Variants in MAST4 observed in about 807,000 individuals in gnomAD.
The protein encoded by MAST4 is microtubule-associated serine/threonine-protein kinase 4.
Under a neutral mutation model 162.7 loss-of-function variants are expected in MAST4, and 89 were observed. That is an observed-to-expected ratio of 0.55 (90% CI 0.46 to 0.65). The LOEUF is 0.65. Ranked by LOEUF, MAST4 falls within the 30% of genes least tolerant of loss-of-function variation. The probability of loss-of-function intolerance (pLI) is 0.00; values close to 1 mark genes in which losing one functional copy is unlikely to be tolerated. For synonymous variants in MAST4, 1,479 were observed against 1,361.1 expected (o/e 1.09, Z -1.91); for missense variants, 3,153 against 3,374.0 (o/e 0.93, Z 1.62).
At chr5:66,917,263 A>T in intron 4 of MAST4, 1 of 439,480 alleles carries the variant, frequency 2.3e-6, no homozygotes, top group African/African-American at 2.0e-5. Flanking sequence ...CTTCATGCTT[A>T]TTTTCACTGC....
chr5:67,039,474 T>C (rs1056618793), intron 4 of MAST4, among the ~76,000 whole-genome samples: 11 of 152,058 alleles, frequency 7.2e-5, no homozygotes, highest in African/African-American at 1.4e-4. Context: ...TGAGTTTAGG[T>C]TGGGTGTCTG....
chr5:66,645,451 T>C (rs1341177714), intron 1 of MAST4, among the ~76,000 whole-genome samples: 1 of 152,200 alleles, frequency 6.6e-6, no homozygotes, highest in Non-Finnish European at 1.5e-5. Flanking sequence ...AATGTTATTT[T>C]AATAATATGA....
chr5:66,778,045 C>T (rs1754684312), intron 2 of MAST4, among the ~76,000 whole-genome samples: 1 of 152,206 alleles, frequency 6.6e-6, no homozygotes, highest in Admixed American at 6.5e-5. Context: ...CAGATGTTAA[C>T]ACTGACCTCT....
chr5:67,043,401 G>A (rs1756998458), intron 4 of MAST4, among the ~76,000 whole-genome samples: 1 of 152,132 alleles, frequency 6.6e-6, no homozygotes, highest in Non-Finnish European at 1.5e-5. Flanking sequence ...TAAAAGCAAT[G>A]CAATTGGGAC....
At chr5:66,895,634 C>T (rs1210734167) in intron 3 of MAST4, among the ~76,000 whole-genome samples, 5 of 152,174 alleles carry the variant, frequency 3.3e-5, no homozygotes. Context: ...TACCTGAAAT[C>T]TGACTACTCC....
intron 3 of MAST4, among the ~76,000 whole-genome samples, chr5:66,892,813 A>T (rs1762443721): frequency 6.6e-6 from 1 of 152,212 alleles, no homozygotes; most frequent in Non-Finnish European, 1.5e-5. Context: ...CCACTATCTC[A>T]TGGCTTTGCA....
chr5:67,164,879 G>A lies in MAST4; in HGVS notation c.5700G>A (p.Arg1900=). 6.2e-7 allele frequency: 1 copy of A among 1,614,020 alleles called. No homozygotes were observed. Among genetic ancestry groups the A allele is most frequent in the African/African-American group, 1.3e-5 (1 of 75,048 alleles). ...SLPDPEFKRD[R]KGPHPTARSP... ...CTGACCCAGAGTTCAAGAGGGACAG[G>A]AAAGGTCCCCATCCTACTGCCAGGA... The change falls in exon 29 of 29, where the codon AGG becomes AGA. Residue 1900 remains arginine (R), a synonymous_variant. Transcript: ENST00000403625. The surrounding 1 kb of genome is among the most constrained non-coding windows in gnomAD (Gnocchi z 5.3).
intron 1 of MAST4, among the ~76,000 whole-genome samples, chr5:66,614,885 G>A (rs999024450): frequency 6.6e-6 from 1 of 152,086 alleles, no homozygotes; most frequent in African/African-American, 2.4e-5. Context: ...GAAAGACAAG[G>A]CATCCTTTCT....
chr5:66,653,605 A>G (rs142385332), intron 1 of MAST4, among the ~76,000 whole-genome samples: 1 of 152,286 alleles, frequency 6.6e-6, no homozygotes, highest in Non-Finnish European at 1.5e-5. Flanking sequence ...TGAGTCTCAC[A>G]TGTGTCATTT....
chr5:66,823,971 G>A (rs1244053147), intron 3 of MAST4, among the ~76,000 whole-genome samples: 1 of 152,104 alleles, frequency 6.6e-6, no homozygotes, highest in Non-Finnish European at 1.5e-5. Flanking sequence ...TTTCTCCTTT[G>A]TAATCTTTTA....
At chr5:66,850,929 CT>C (rs59161379) in intron 3 of MAST4, among the ~76,000 whole-genome samples, 35,313 of 137,512 alleles carry the variant, frequency 0.26, 3,639 homozygotes, top group East Asian at 0.33. Context: ...CATTTTAAGC[CT>C]TTTTTTTTTT....
chr5:66,737,689 T>G (rs991806557), intron 1 of MAST4, among the ~76,000 whole-genome samples: 12 of 152,150 alleles, frequency 7.9e-5, no homozygotes, highest in African/African-American at 2.2e-4. Flanking sequence ...GGAAGGAGCT[T>G]TAGGCTCATT....
chr5:66,776,126 T>A (rs1261990485), intron 2 of MAST4, among the ~76,000 whole-genome samples: 2 of 152,216 alleles, frequency 1.3e-5, no homozygotes, highest in African/African-American at 4.8e-5. Flanking sequence ...TTTAGACTTG[T>A]CTGGAAGTTT....
chr5:66,932,978 C>A lies in MAST4; in HGVS notation c.674+32996C>A, dbSNP rs140197101. On this transcript the variant is annotated intron_variant, in intron 4 of 28. Transcript: ENST00000403625. The stretch of plus-strand genomic sequence containing the variant: ...TAAACATAGCTTTTCATAATTATTT[C>A]TAATCTCCTCATAGTTATAGCCTTT... 1.9e-3 allele frequency among the ~76,000 whole-genome samples: 289 copies of A among 152,180 alleles called. 2 individuals carry two copies. Among genetic ancestry groups the A allele is most frequent in the African/African-American group, 6.7e-3 (277 of 41,528 alleles).
At chr5:66,902,944 TGATATAGTCA>T (rs1763104975) in intron 4 of MAST4, among the ~76,000 whole-genome samples, 1 of 152,052 alleles carries the variant, frequency 6.6e-6, no homozygotes, top group Non-Finnish European at 1.5e-5. Context: ...GTCAAAATCG[TGATATAGTCA>T]GATAATGAAA....
intron 2 of MAST4, among the ~76,000 whole-genome samples, chr5:66,763,306 C>T (rs1167292554): frequency 6.6e-6 from 1 of 152,128 alleles, no homozygotes; most frequent in East Asian, 1.9e-4. Context: ...TTGTGGTTGG[C>T]TCAATCTGTA....
At chr5:66,837,890 ATATATTT>A (rs1449867954) in intron 3 of MAST4, among the ~76,000 whole-genome samples, 29 of 28,044 alleles carry the variant, frequency 1.0e-3, no homozygotes, top group Non-Finnish European at 1.5e-3. Context: ...ATATATATAT[ATATATTT>A]TTTTTTTTTT....
At chr5:66,849,900 A>G (rs1477999111) in intron 3 of MAST4, among the ~76,000 whole-genome samples, 1 of 152,224 alleles carries the variant, frequency 6.6e-6, no homozygotes, top group Non-Finnish European at 1.5e-5. Flanking sequence ...TGTGTGCACA[A>G]TAGAGGAGAC....
At chr5:67,067,140 T>A (rs985621224) in intron 5 of MAST4, among the ~76,000 whole-genome samples, 1 of 152,208 alleles carries the variant, frequency 6.6e-6, no homozygotes, top group East Asian at 1.9e-4. Context: ...TGTAGAAACC[T>A]CCTTCTACTA....
Sources: allele counts gnomAD v4.1 joint callset (sites outside exome capture counted in the v4.1 genomes callset), GRCh38; gene constraint gnomAD v4.1.1; non-coding constraint Gnocchi (gnomAD v3.1); transcripts MANE v1.5; gene names NCBI Gene and HGNC (gene_info 2026-07-23, HGNC 2026-07-21).